Variants in COL25A1 observed in about 807,000 individuals in gnomAD.
COL25A1 encodes collagen alpha-1(XXV) chain.
COL25A1 carries 103 observed loss-of-function variants against 128.4 expected under a neutral mutation model. The observed-to-expected ratio is 0.80, with a 90% CI of 0.68 to 0.94. The LOEUF is 0.94. COL25A1 is among the 40% of genes least tolerant of loss of function. The pLI is 0.00. For synonymous variants in COL25A1, 279 were observed against 277.2 expected, an observed-to-expected ratio of 1.01 and a Z score of -0.06; for missense variants, 745 against 840.0, an observed-to-expected ratio of 0.89 and a Z score of 1.40.
intron 3 of COL25A1, among the ~76,000 whole-genome samples, chr4:109,210,435 T>C (rs564700133): frequency 3.7e-4 from 56 of 152,260 alleles, no homozygotes; most frequent in African/African-American, 1.3e-3. Context: ...CTGCCCACCT[T>C]ACAAAACACT....
chr4:109,174,604 C>G (rs556620004), intron 3 of COL25A1, among the ~76,000 whole-genome samples: 233 of 152,298 alleles, frequency 1.5e-3, no homozygotes, highest in African/African-American at 5.4e-3. Context: ...CCTCCTCCCC[C>G]AGCCATGAGA....
At chr4:109,098,235 A>G (rs1043396079) in intron 3 of COL25A1, among the ~76,000 whole-genome samples, 2 of 152,190 alleles carry the variant, frequency 1.3e-5, no homozygotes, top group Non-Finnish European at 2.9e-5. Context: ...GCTGATACGC[A>G]GTTTCTAAGA....
chr4:109,270,198 T>C (rs552066945), intron 3 of COL25A1, among the ~76,000 whole-genome samples: 5,696 of 152,032 alleles, frequency 0.037, 363 homozygotes, highest in African/African-American at 0.13. Flanking sequence ...CTATTCAACA[T>C]AGTGTTGGAA....
chr4:109,212,970 A>C (rs1777693123), intron 3 of COL25A1, among the ~76,000 whole-genome samples: 1 of 152,302 alleles, frequency 6.6e-6, no homozygotes, highest in Non-Finnish European at 1.5e-5. Context: ...TTTGCTTTTC[A>C]TAAGTAATAA....
At chr4:108,844,688 T>C (rs1560735909) in intron 29 of COL25A1, 119 bp from the exon 30 acceptor site, 2 of 1,323,926 alleles carry the variant, frequency 1.5e-6, no homozygotes, top group Non-Finnish European at 2.0e-6. Context: ...AGAAAGATAC[T>C]AGAATAAGTG....
At chr4:109,190,763 G>T (rs1162370910) in intron 3 of COL25A1, among the ~76,000 whole-genome samples, 3 of 152,154 alleles carry the variant, frequency 2.0e-5, no homozygotes, top group Non-Finnish European at 4.4e-5. Flanking sequence ...TCTAAAGCTT[G>T]CAATTTCATT....
At chr4:108,835,845 C>A (rs1409980185) in intron 31 of COL25A1, among the ~76,000 whole-genome samples, 3 of 132,198 alleles carry the variant, frequency 2.3e-5, no homozygotes, top group African/African-American at 5.6e-5. Context: ...AGCCACAGTG[C>A]CCGGCTTACA....
intron 3 of COL25A1, among the ~76,000 whole-genome samples, chr4:109,236,783 A>G (rs1779506396): frequency 1.3e-5 from 2 of 152,056 alleles, no homozygotes; most frequent in South Asian, 4.1e-4. Context: ...CATTATTTAA[A>G]TATCATTTAC....
intron 3 of COL25A1, among the ~76,000 whole-genome samples, chr4:109,071,233 T>C (rs1579275605): frequency 6.6e-6 from 1 of 152,178 alleles, no homozygotes; most frequent in African/African-American, 2.4e-5. Flanking sequence ...CTGGGAAAAC[T>C]GGCTAGCCAT....
intron 18 of COL25A1, among the ~76,000 whole-genome samples, chr4:108,887,793 C>T (rs1442271490): frequency 5.3e-5 from 8 of 152,030 alleles, no homozygotes; most frequent in Non-Finnish European, 4.4e-5. Context: ...GTAAACTATA[C>T]GAGATTATAG....
chr4:109,056,673 G>A (rs766774001), intron 3 of COL25A1, among the ~76,000 whole-genome samples: 10 of 151,356 alleles, frequency 6.6e-5, no homozygotes, highest in Non-Finnish European at 1.3e-4. Context: ...GCTAATAAAC[G>A]TGGGTGCATT....
chr4:109,276,114 A>T (rs1342368715), intron 3 of COL25A1, among the ~76,000 whole-genome samples: 1 of 152,178 alleles, frequency 6.6e-6, no homozygotes, highest in African/African-American at 2.4e-5. Flanking sequence ...AAGGATAAAG[A>T]TTGTCTTATT....
At chr4:109,253,494 A>G (rs930061265) in intron 3 of COL25A1, among the ~76,000 whole-genome samples, 1 of 152,154 alleles carries the variant, frequency 6.6e-6, no homozygotes, top group African/African-American at 2.4e-5. Context: ...ACATCGGGGA[A>G]GGCCACCTGC....
At chr4:109,205,446 T>A (rs926636231) in intron 3 of COL25A1, among the ~76,000 whole-genome samples, 1 of 152,118 alleles carries the variant, frequency 6.6e-6, no homozygotes, top group South Asian at 2.1e-4. Context: ...CATTGACATA[T>A]AGGACTTCTG....
chr4:108,879,910 G>C (rs564754212), intron 19 of COL25A1, among the ~76,000 whole-genome samples: 107 of 152,192 alleles, frequency 7.0e-4, no homozygotes, highest in African/African-American at 2.4e-3. Context: ...CCAGGTTCAA[G>C]CAATTCTCTT....
At chr4:108,998,153 G>A (rs1293981573) in intron 6 of COL25A1, among the ~76,000 whole-genome samples, 4 of 152,034 alleles carry the variant, frequency 2.6e-5, no homozygotes, top group African/African-American at 9.7e-5. Context: ...AGAAATAAAG[G>A]GTTTTGAATT....
intron 5 of COL25A1, among the ~76,000 whole-genome samples, chr4:109,025,139 A>G (rs1004852589): frequency 2.0e-5 from 3 of 152,222 alleles, no homozygotes; most frequent in Admixed American, 1.3e-4. Flanking sequence ...CATCTTGCTT[A>G]TCCAAGCCTT....
chr4:109,128,433 C>T (rs1768844883), intron 3 of COL25A1, among the ~76,000 whole-genome samples: 1 of 152,224 alleles, frequency 6.6e-6, no homozygotes, highest in East Asian at 1.9e-4. Flanking sequence ...TTCAATCCAC[C>T]TATGACCTGT....
chr4:108,940,589 G>A lies in COL25A1; in HGVS notation c.622C>T (p.Pro208Ser), dbSNP rs777398483. 10 of 1,612,518 alleles carry A rather than the reference G, an allele frequency of 6.2e-6. No homozygotes were observed. In the African/African-American group the frequency reaches 1.3e-4, roughly 22 times the overall value. The change falls in exon 10 of 38, where the codon CCA becomes TCA. Residue 208 changes from proline to serine, a missense_variant. By Grantham distance (74) the Pro-to-Ser change is moderately conservative (BLOSUM62 -1). Transcript: ENST00000399132. ...CCATCTTTCCCTGTGTCCCCAGGTGGCCCTCTTGGGCCTGGAGGGCCAGGG... is the reference window on the plus strand; with the variant it reads ...CCATCTTTCCCTGTGTCCCCAGGTGACCCTCTTGGGCCTGGAGGGCCAGGG... ...GPPGPPGPRG[P>S]PGDTGKDGPR... is the part of the protein sequence containing the mutation.
Sources: gnomAD v4.1 joint callset for allele counts (sites outside exome capture counted in the v4.1 genomes callset) on GRCh38, gnomAD v4.1.1 for gene constraint, MANE v1.5 for transcripts, NCBI Gene and HGNC (gene_info 2026-07-23, HGNC 2026-07-21) for gene names.